XKR4: variants seen among roughly 807,000 people sequenced by gnomAD.
XKR4 encodes the protein XK related 4, also known as XK-related protein 4.
In XKR4, 12 loss-of-function variants were observed where a neutral mutation model predicts 53.9. That is an observed-to-expected ratio of 0.22 (90% confidence interval 0.14 to 0.36). The LOEUF is 0.36. XKR4 is among the 10% of genes least tolerant of loss of function. XKR4 has a pLI of 1.00. For synonymous variants in XKR4, 354 were observed against 362.4 expected (o/e 0.98, Z 0.26); for missense variants, 799 against 859.5 (o/e 0.93, Z 0.88).
At chr8:55,217,680 A>C (rs1185888107) in intron 1 of XKR4, among the ~76,000 whole-genome samples, 4 of 152,180 alleles carry the variant, frequency 2.6e-5, no homozygotes, top group Non-Finnish European at 1.5e-5. Context: ...CTCGTTGCTG[A>C]AGTTCAGGTA....
At chr8:55,453,027 A>G (rs1325377569) in intron 2 of XKR4, 1 of 628,160 alleles carries the variant, frequency 1.6e-6, no homozygotes, top group African/African-American at 1.8e-5. Context: ...GTGCTCTCTC[A>G]TCCTCCTGGG....
chr8:55,197,575 G>A (rs1439811465), intron 1 of XKR4, among the ~76,000 whole-genome samples: 22 of 144,634 alleles, frequency 1.5e-4, no homozygotes, highest in Admixed American at 1.4e-3. Context: ...ACAGAGTCTC[G>A]CTCTGTCACC....
intron 1 of XKR4, among the ~76,000 whole-genome samples, chr8:55,307,118 C>A (rs1819314036): frequency 1.3e-5 from 2 of 151,974 alleles, no homozygotes; most frequent in African/African-American, 2.4e-5. Context: ...AAGCATGATT[C>A]AGAAAAGGAA....
At chr8:55,313,874 C>A (rs10108706) in intron 1 of XKR4, among the ~76,000 whole-genome samples, 16 of 152,146 alleles carry the variant, frequency 1.1e-4, no homozygotes, top group African/African-American at 3.9e-4. Flanking sequence ...AGGTAATTCA[C>A]CAAGTTTTTC....
At chr8:55,200,363 C>T (rs917479140) in intron 1 of XKR4, among the ~76,000 whole-genome samples, 5 of 152,192 alleles carry the variant, frequency 3.3e-5, no homozygotes, top group African/African-American at 7.2e-5. Flanking sequence ...CCACTGCGCC[C>T]GGCCAGTCTA....
At chr8:55,450,151 C>A (rs1039331965) in intron 2 of XKR4, 14 of 677,954 alleles carry the variant, frequency 2.1e-5, no homozygotes, top group Non-Finnish European at 3.8e-5. Context: ...CCTCTGCAGG[C>A]GTGAGATGGC....
chr8:55,114,844 A>G (rs1303889775), intron 1 of XKR4, among the ~76,000 whole-genome samples: 1 of 152,202 alleles, frequency 6.6e-6, no homozygotes, highest in African/African-American at 2.4e-5. Context: ...ATAAGCAACC[A>G]GTGTTAGCCC....
chr8:55,282,895 A>C (rs1585985360), intron 1 of XKR4, among the ~76,000 whole-genome samples: 1 of 152,244 alleles, frequency 6.6e-6, no homozygotes, highest in Non-Finnish European at 1.5e-5. Flanking sequence ...TACTATTGTC[A>C]TGGTACTATG....
intron 1 of XKR4, among the ~76,000 whole-genome samples, chr8:55,231,673 G>T (rs1818043521): frequency 6.6e-6 from 1 of 152,092 alleles, no homozygotes; most frequent in Admixed American, 6.6e-5. Flanking sequence ...TTTAATCTTG[G>T]CAGATGGATG....
intron 2 of XKR4, among the ~76,000 whole-genome samples, chr8:55,378,850 G>T (rs1198511287): frequency 6.6e-6 from 1 of 152,220 alleles, no homozygotes; most frequent in South Asian, 2.1e-4. Context: ...AATATTAAAT[G>T]GTCCCAACAC....
chr8:55,276,027 T>G (rs1328290588), intron 1 of XKR4, among the ~76,000 whole-genome samples: 2 of 152,244 alleles, frequency 1.3e-5, no homozygotes, highest in South Asian at 4.1e-4. Flanking sequence ...CTTCCAAATC[T>G]TTCTTAACAG....
intron 2 of XKR4, among the ~76,000 whole-genome samples, chr8:55,395,488 A>G (rs1255817035): frequency 6.6e-6 from 1 of 152,096 alleles, no homozygotes; most frequent in African/African-American, 2.4e-5. Context: ...AGTCAAACAG[A>G]AGGCTGGGGA....
At position 55,102,288 on chromosome 8, in the gene XKR4, C is replaced by A. The variant is rs1816052719; in HGVS notation, c.-201C>A. ...AGGCGGCGCTCCTGCCGGCCCCAGGCGCGCCGCTAGCCCGGCCCAGCGCCC... is the reference window on the plus strand; with the variant it reads ...AGGCGGCGCTCCTGCCGGCCCCAGGAGCGCCGCTAGCCCGGCCCAGCGCCC... On this transcript the variant is annotated 5_prime_UTR_variant, in exon 1 of 3. Transcript: ENST00000327381. The surrounding 1 kb of genome is among the most constrained non-coding windows in gnomAD (Gnocchi z 5.1). The A allele has an allele frequency of 6.3e-6, 4 of 639,280 alleles. No homozygotes were observed. Among genetic ancestry groups the A allele is most frequent in the South Asian group, 6.8e-5 (1 of 14,658 alleles). 39.6% of individuals were successfully genotyped at this position (639,280 alleles called of 1,614,324 possible).
intron 1 of XKR4, among the ~76,000 whole-genome samples, chr8:55,193,416 G>A (rs1041496262): frequency 1.3e-5 from 2 of 152,004 alleles, no homozygotes; most frequent in South Asian, 2.1e-4. Context: ...CTGCTGGGAT[G>A]TTTCCCACCT....
chr8:55,431,570 C>A (rs536178169), intron 2 of XKR4, among the ~76,000 whole-genome samples: 2 of 152,216 alleles, frequency 1.3e-5, no homozygotes, highest in Admixed American at 6.5e-5. Context: ...AATGTATAAA[C>A]CTGTGTTTAT....
chr8:55,348,381 G>C (rs1359506878), intron 1 of XKR4, among the ~76,000 whole-genome samples: 1 of 152,176 alleles, frequency 6.6e-6, no homozygotes, highest in East Asian at 1.9e-4. Context: ...AGCCATCCCT[G>C]CCTTCTCAAG....
chr8:55,119,116 C>G (rs112102962), intron 1 of XKR4, among the ~76,000 whole-genome samples: 22 of 152,204 alleles, frequency 1.4e-4, no homozygotes, highest in African/African-American at 5.3e-4. Context: ...TCTAAGCAGG[C>G]TCTGAGCACG....
intron 2 of XKR4, among the ~76,000 whole-genome samples, chr8:55,377,277 G>A (rs1402188167): frequency 6.6e-6 from 1 of 152,152 alleles, no homozygotes. Context: ...CAAAGGAGTG[G>A]GGATAGTAAC....
At chr8:55,405,569 A>C (rs754455686) in intron 2 of XKR4, among the ~76,000 whole-genome samples, 1 of 152,028 alleles carries the variant, frequency 6.6e-6, no homozygotes, top group African/African-American at 2.4e-5. Flanking sequence ...ATGGCATTTG[A>C]CTCTAAGCAG....
Sources: gnomAD v4.1 joint callset for allele counts (sites outside exome capture counted in the v4.1 genomes callset) on GRCh38, gnomAD v4.1.1 for gene constraint, Gnocchi (gnomAD v3.1) non-coding constraint, MANE v1.5 for transcripts, NCBI Gene and HGNC (gene_info 2026-07-23, HGNC 2026-07-21) for gene names.